Variants in SYNDIG1 observed in about 807,000 individuals in gnomAD.
SYNDIG1 encodes the protein synapse differentiation inducing 1.
Under a neutral mutation model 19.4 loss-of-function variants are expected in SYNDIG1, and 9 were observed. The ratio of observed to expected loss-of-function variants is 0.46; its 90% CI spans 0.28 to 0.81. SYNDIG1 has a LOEUF of 0.81. SYNDIG1 is among the 30% of genes least tolerant of loss of function. The pLI, the probability that SYNDIG1 is intolerant of heterozygous loss-of-function variation, is 0.12. For missense variants in SYNDIG1, 311 were observed against 343.3 expected, an observed-to-expected ratio of 0.91 and a Z score of 0.74; for synonymous variants, 141 against 145.9, an observed-to-expected ratio of 0.97 and a Z score of 0.24.
At chr20:24,476,832 A>G (rs891464572) in intron 1 of SYNDIG1, among the ~76,000 whole-genome samples, 1 of 152,142 alleles carries the variant, frequency 6.6e-6, no homozygotes. Flanking sequence ...CTGTCCCACT[A>G]AAGTAGCCTG....
At chr20:24,625,328 C>A (rs1310940438) in intron 3 of SYNDIG1, among the ~76,000 whole-genome samples, 1 of 150,876 alleles carries the variant, frequency 6.6e-6, no homozygotes, top group African/African-American at 2.4e-5. Flanking sequence ...ATAAAGACAA[C>A]ACAAATTATC....
chr20:24,477,083 C>T (rs565688253), intron 1 of SYNDIG1, among the ~76,000 whole-genome samples: 1 of 152,380 alleles, frequency 6.6e-6, no homozygotes, highest in Non-Finnish European at 1.5e-5. Flanking sequence ...TCTGTAGCTT[C>T]CTTCCTTGCC....
intron 3 of SYNDIG1, among the ~76,000 whole-genome samples, chr20:24,594,284 G>A (rs934006704): frequency 2.0e-5 from 3 of 152,128 alleles, no homozygotes; most frequent in Admixed American, 1.3e-4. Context: ...ACCATTTATT[G>A]AATAGGGAGT....
chr20:24,513,313 G>C (rs887370029), intron 1 of SYNDIG1, among the ~76,000 whole-genome samples: 6 of 152,170 alleles, frequency 3.9e-5, no homozygotes, highest in Non-Finnish European at 7.3e-5. Flanking sequence ...GGCTTCAGAC[G>C]ATCAAACTTC....
Position 24,504,810 on chromosome 20 carries a change from G to A in SYNDIG1, c.-79+35057G>A, listed in dbSNP as rs145296227. Among the ~76,000 whole-genome samples the A allele has an allele frequency of 2.2e-3, 332 of 152,266 alleles. 1 individual carries two copies. Among genetic ancestry groups the A allele is most frequent in the African/African-American group, 7.7e-3 (319 of 41,564 alleles). ...CGCAAAAGCCTTTGGTCTGTGCCCC[G>A]GGAGCTGGGTCACTGAAGAATTCCT... On this transcript the variant is annotated intron_variant, in intron 1 of 3. Coordinates refer to ENST00000376862, the MANE Select transcript of SYNDIG1 (RefSeq NM_024893.3).
intron 1 of SYNDIG1, among the ~76,000 whole-genome samples, chr20:24,537,683 A>G (rs2057388901): frequency 6.6e-6 from 1 of 152,132 alleles, no homozygotes; most frequent in South Asian, 2.1e-4. Flanking sequence ...TTCATCGGGG[A>G]TCCCTGCTGT....
At chr20:24,544,000 G>A (rs561895103) in intron 2 of SYNDIG1, among the ~76,000 whole-genome samples, 10 of 152,316 alleles carry the variant, frequency 6.6e-5, no homozygotes, top group African/African-American at 2.4e-4. Flanking sequence ...GTCACCTGTG[G>A]TTCCTTGACT....
At chr20:24,660,263 C>A (rs62215329) in intron 3 of SYNDIG1, among the ~76,000 whole-genome samples, 1 of 152,068 alleles carries the variant, frequency 6.6e-6, no homozygotes, top group Admixed American at 6.5e-5. Context: ...CACTCATTTA[C>A]GGGAGTGGAA....
At chr20:24,647,822 C>T (rs1333981714) in intron 3 of SYNDIG1, among the ~76,000 whole-genome samples, 2 of 150,848 alleles carry the variant, frequency 1.3e-5, no homozygotes, top group Non-Finnish European at 2.9e-5. Context: ...AGCAGCACAT[C>T]AGTCAGACTG....
At chr20:24,613,713 G>A (rs2058884667) in intron 3 of SYNDIG1, among the ~76,000 whole-genome samples, 3 of 152,138 alleles carry the variant, frequency 2.0e-5, no homozygotes, top group South Asian at 2.1e-4. Flanking sequence ...TGACGGCCGC[G>A]CCCCTGCAGC....
chr20:24,574,072 C>A (rs1438855012), intron 2 of SYNDIG1, among the ~76,000 whole-genome samples: 1 of 152,196 alleles, frequency 6.6e-6, no homozygotes, highest in Admixed American at 6.5e-5. Flanking sequence ...CAGGAGCAGC[C>A]TCCAGGCTCC....
intron 2 of SYNDIG1, among the ~76,000 whole-genome samples, chr20:24,575,762 G>C (rs2058217398): frequency 6.6e-6 from 1 of 152,124 alleles, no homozygotes; most frequent in African/African-American, 2.4e-5. Context: ...GGAAAAATCT[G>C]TTTACTTCTG....
At chr20:24,532,101 T>A (rs2057272199) in intron 1 of SYNDIG1, among the ~76,000 whole-genome samples, 1 of 152,224 alleles carries the variant, frequency 6.6e-6, no homozygotes, top group African/African-American at 2.4e-5. Context: ...ACTGAGGGCT[T>A]TGTTTTTAAG....
rs186195451 is a variant in SYNDIG1, at chr20:24,470,985, G to A, written c.-79+1232G>A. ...GGGGTGTCGAGGGGAGGGGGGCTGG[G>A]CGTTACACAGTGGCTCCGTTTTCTG... On this transcript the variant is annotated intron_variant, in intron 1 of 3. Coordinates refer to ENST00000376862, the MANE Select transcript of SYNDIG1 (RefSeq NM_024893.3). Among the ~76,000 whole-genome samples, 100 of 152,064 alleles carry A rather than the reference G, an allele frequency of 6.6e-4. 5 individuals are homozygous for A. The highest frequency in any genetic ancestry group is 6.2e-3 in the Admixed American group (94 of 15,284).
intron 2 of SYNDIG1, among the ~76,000 whole-genome samples, chr20:24,569,258 T>A (rs1483580530): frequency 6.6e-6 from 1 of 152,196 alleles, no homozygotes; most frequent in East Asian, 1.9e-4. Context: ...CCAGGCAGCG[T>A]GTGACAGGAG....
intron 2 of SYNDIG1, among the ~76,000 whole-genome samples, chr20:24,551,007 G>A (rs2057696988): frequency 6.6e-6 from 1 of 152,126 alleles, no homozygotes; most frequent in Admixed American, 6.6e-5. Flanking sequence ...CTAGTATGAA[G>A]GTAATATTGG....
chr20:24,547,331 A>C (rs991547808), intron 2 of SYNDIG1, among the ~76,000 whole-genome samples: 1 of 152,264 alleles, frequency 6.6e-6, no homozygotes, highest in Non-Finnish European at 1.5e-5. Flanking sequence ...TTGCAAGGGC[A>C]TGTGGAGCGT....
intron 3 of SYNDIG1, among the ~76,000 whole-genome samples, chr20:24,623,442 T>C (rs2059070020): frequency 6.6e-6 from 1 of 152,114 alleles, no homozygotes; most frequent in Non-Finnish European, 1.5e-5. Flanking sequence ...GGTCAGAAAT[T>C]TGGATCTACA....
intron 1 of SYNDIG1, among the ~76,000 whole-genome samples, chr20:24,474,906 C>G (rs2146199858): frequency 6.6e-6 from 1 of 152,334 alleles, no homozygotes; most frequent in South Asian, 2.1e-4. Flanking sequence ...AGAAAGCAAA[C>G]ACATTTCAGA....
Sources: gnomAD v4.1 joint callset for allele counts (sites outside exome capture counted in the v4.1 genomes callset) on GRCh38, gnomAD v4.1.1 for gene constraint, MANE v1.5 for transcripts, NCBI Gene and HGNC (gene_info 2026-07-23, HGNC 2026-07-21) for gene names.